OPCML: variants seen among roughly 807,000 people sequenced by gnomAD.
OPCML encodes opioid-binding protein/cell adhesion molecule.
A neutral mutation model predicts 37.8 loss-of-function variants in OPCML; 13 were observed. That is an observed-to-expected ratio of 0.34 (90% CI 0.22 to 0.55). The LOEUF is 0.55. Ranked by LOEUF, OPCML falls within the 20% of genes least tolerant of loss-of-function variation. OPCML has a pLI of 0.91. For missense variants in OPCML, 341 were observed against 435.6 expected, an observed-to-expected ratio of 0.78 and a Z score of 1.93; for synonymous variants, 176 against 168.8, an observed-to-expected ratio of 1.04 and a Z score of -0.33.
chr11:133,057,123 G>T (rs1373688970), intron 1 of OPCML, among the ~76,000 whole-genome samples: 1 of 152,328 alleles, frequency 6.6e-6, no homozygotes, highest in African/African-American at 2.4e-5. Flanking sequence ...GATTACAGGC[G>T]TGAGCTGCTG....
At chr11:132,558,645 C>T (rs996446832) in intron 3 of OPCML, among the ~76,000 whole-genome samples, 2 of 150,758 alleles carry the variant, frequency 1.3e-5, no homozygotes, top group Admixed American at 6.7e-5. Flanking sequence ...GTTTTGTATT[C>T]TCATAATACC....
chr11:133,178,936 T>C (rs1470920298), intron 1 of OPCML, among the ~76,000 whole-genome samples: 10 of 152,072 alleles, frequency 6.6e-5, no homozygotes, highest in Non-Finnish European at 1.5e-4. Context: ...TTTCACTCGC[T>C]GCCTCTAAAG....
At chr11:132,731,403 T>C (rs1489848208) in intron 2 of OPCML, among the ~76,000 whole-genome samples, 1 of 152,232 alleles carries the variant, frequency 6.6e-6, no homozygotes, top group South Asian at 2.1e-4. Context: ...TAAAGAGTTA[T>C]AAAGCTTGGT....
chr11:132,884,745 A>G (rs546824421), intron 2 of OPCML, among the ~76,000 whole-genome samples: 1 of 152,342 alleles, frequency 6.6e-6, no homozygotes, highest in South Asian at 2.1e-4. Flanking sequence ...TGCCACACAA[A>G]TAATAATAAC....
chr11:132,634,132 C>A (rs76548967), intron 3 of OPCML, among the ~76,000 whole-genome samples: 1 of 152,198 alleles, frequency 6.6e-6, no homozygotes, highest in Admixed American at 6.5e-5. Context: ...TAGCTGCCCT[C>A]GGACTTCCCC....
intron 3 of OPCML, among the ~76,000 whole-genome samples, chr11:132,590,238 A>G (rs897807026): frequency 6.6e-6 from 1 of 152,122 alleles, no homozygotes; most frequent in Non-Finnish European, 1.5e-5. Flanking sequence ...CTGGATTTAA[A>G]ATTTATTTTA....
At chr11:132,904,830 T>C (rs192912066) in intron 2 of OPCML, among the ~76,000 whole-genome samples, 1 of 152,318 alleles carries the variant, frequency 6.6e-6, no homozygotes, top group Admixed American at 6.5e-5. Flanking sequence ...AAAACCTGCC[T>C]AATGAAACTG....
At chr11:133,278,993 A>G (rs1941216) in intron 1 of OPCML, among the ~76,000 whole-genome samples, 1,746 of 152,344 alleles carry the variant, frequency 0.011, 33 homozygotes, top group African/African-American at 0.038. Context: ...AAGCCTGTGC[A>G]ATCACCCGCT....
In OPCML at chr11:132,998,231, T is replaced by A. The variant is rs191026136; in HGVS notation, c.62-55221A>T. Among the ~76,000 whole-genome samples, 23 of 152,302 alleles carry A rather than the reference T, an allele frequency of 1.5e-4. No individual in the cohort carries two copies. The East Asian group carries it at 4.4e-3, about 29-fold the overall frequency. On this transcript the variant is annotated intron_variant, in intron 1 of 7. Transcript: ENST00000524381. ...CATCATGTGATAATCTGCAAATGTG[T>A]CCTCACATTAGAGGGTGAGTTTGAT... is the stretch of plus-strand genomic sequence containing the variant.
chr11:133,514,580 T>C (rs1948223609), intron 1 of OPCML, among the ~76,000 whole-genome samples: 1 of 151,932 alleles, frequency 6.6e-6, no homozygotes, highest in Non-Finnish European at 1.5e-5. Context: ...AAGTCAAGAG[T>C]CCTTTTTTAA....
chr11:132,660,377 A>G (rs1941912668), intron 2 of OPCML, among the ~76,000 whole-genome samples: 1 of 152,250 alleles, frequency 6.6e-6, no homozygotes, highest in Non-Finnish European at 1.5e-5. Context: ...CTCGCAGCTG[A>G]CAAATCAATT....
chr11:132,602,863 G>T (rs1938016412), intron 3 of OPCML, among the ~76,000 whole-genome samples: 1 of 152,232 alleles, frequency 6.6e-6, no homozygotes, highest in South Asian at 2.1e-4. Context: ...TCTCACTGTT[G>T]TTCACTTTCC....
At chr11:132,748,552 G>A (rs1945723231) in intron 2 of OPCML, among the ~76,000 whole-genome samples, 2 of 152,020 alleles carry the variant, frequency 1.3e-5, no homozygotes, top group Non-Finnish European at 1.5e-5. Flanking sequence ...GCCTGAGTGT[G>A]GCCTGTGCTT....
chr11:133,377,612 G>A (rs202167108), intron 1 of OPCML, among the ~76,000 whole-genome samples: 66 of 79,076 alleles, frequency 8.3e-4, no homozygotes, highest in East Asian at 1.8e-3. Context: ...CCAGTATTCA[G>A]AAAAAAAAAA....
chr11:133,188,439 C>T (rs1019313339), intron 1 of OPCML, among the ~76,000 whole-genome samples: 2 of 152,060 alleles, frequency 1.3e-5, no homozygotes, highest in Admixed American at 6.6e-5. Flanking sequence ...TCAACTCCAT[C>T]GCGATCCACA....
intron 2 of OPCML, among the ~76,000 whole-genome samples, chr11:132,934,812 A>G (rs1044712793): frequency 2.0e-5 from 3 of 152,008 alleles, no homozygotes; most frequent in Non-Finnish European, 4.4e-5. Context: ...TTCCTCATCC[A>G]TCAGAGTAGT....
intron 1 of OPCML, among the ~76,000 whole-genome samples, chr11:133,303,111 T>C (rs1353086294): frequency 6.6e-6 from 1 of 152,098 alleles, no homozygotes; most frequent in African/African-American, 2.4e-5. Context: ...TAAATAAGCA[T>C]TGTGAAGTAA....
chr11:132,611,824 G>T (rs2137848806), intron 3 of OPCML, among the ~76,000 whole-genome samples: 2 of 152,200 alleles, frequency 1.3e-5, no homozygotes, highest in South Asian at 4.2e-4. Flanking sequence ...TGGAGCAACA[G>T]CTGTTCTAAT....
At chr11:132,751,069 C>T (rs1346843114) in intron 2 of OPCML, among the ~76,000 whole-genome samples, 2 of 152,060 alleles carry the variant, frequency 1.3e-5, no homozygotes, top group Admixed American at 6.6e-5. Context: ...ATGAACAAAC[C>T]GGAACAAGAA....
Sources: allele counts gnomAD v4.1 joint callset (sites outside exome capture counted in the v4.1 genomes callset), GRCh38; gene constraint gnomAD v4.1.1; transcripts MANE v1.5; gene names NCBI Gene and HGNC (gene_info 2026-07-23, HGNC 2026-07-21).